Variants in IL1RAPL1 observed in about 807,000 individuals in gnomAD.
IL1RAPL1 encodes interleukin 1 receptor accessory protein like 1.
In IL1RAPL1, 3 loss-of-function variants were observed where a neutral mutation model predicts 48.4. The ratio of observed to expected loss-of-function variants is 0.06; its 90% confidence interval spans 0.03 to 0.16. The LOEUF is 0.16. Among genes scored for constraint, IL1RAPL1 ranks in the 10% least tolerant of loss-of-function variants. IL1RAPL1 has a pLI of 1.00. For missense variants in IL1RAPL1, 349 were observed against 530.6 expected (o/e 0.66, Z 3.36); for synonymous variants, 185 against 187.7 (o/e 0.99, Z 0.12).
At chrX:29,670,334 A>G (rs761230985) in intron 6 of IL1RAPL1, among the ~76,000 whole-genome samples, 1 of 112,276 alleles carries the variant, frequency 8.9e-6, no homozygotes, top group Non-Finnish European at 1.9e-5. Context: ...TTGAAGAAAT[A>G]TGGGCATGTC....
intron 1 of IL1RAPL1, among the ~76,000 whole-genome samples, chrX:28,654,255 AAATAAT>A (rs1159144590): frequency 1.8e-5 from 2 of 110,102 alleles, no homozygotes; most frequent in Admixed American, 1.9e-4. Flanking sequence ...GGTCTTTAAA[AAATAAT>A]AAGTTATCTG....
intron 2 of IL1RAPL1, among the ~76,000 whole-genome samples, chrX:28,944,133 A>G (rs939544587): frequency 2.1e-4 from 23 of 110,830 alleles, no homozygotes; most frequent in African/African-American, 7.5e-4. Flanking sequence ...TTTTATATTT[A>G]TTATGGGGGC....
chrX:29,591,302 G>C (rs1193808342), intron 5 of IL1RAPL1, among the ~76,000 whole-genome samples: 5 of 112,375 alleles, frequency 4.4e-5, no homozygotes, highest in Non-Finnish European at 9.4e-5. Context: ...TGACAACGAG[G>C]TGCCTGTAAA....
intron 2 of IL1RAPL1, among the ~76,000 whole-genome samples, chrX:29,223,250 A>G (rs1318425939): frequency 8.9e-6 from 1 of 111,939 alleles, no homozygotes; most frequent in African/African-American, 3.2e-5. Flanking sequence ...CTCTATAGGA[A>G]AAATACGTGT....
chrX:29,663,614 C>G (rs1356778925), intron 5 of IL1RAPL1, among the ~76,000 whole-genome samples: 1 of 112,100 alleles, frequency 8.9e-6, no homozygotes, highest in Admixed American at 9.4e-5. Flanking sequence ...ATTTGATCCC[C>G]TTATAGTCCT....
chrX:28,917,966 A>T (rs1034878392), intron 2 of IL1RAPL1, among the ~76,000 whole-genome samples: 1 of 112,270 alleles, frequency 8.9e-6, no homozygotes, highest in Non-Finnish European at 1.9e-5. Flanking sequence ...TTTTATATGT[A>T]TGAGGTTACT....
rs59836290 is a variant in IL1RAPL1, at chrX:29,543,115, TTCTCTCTCTCTC to T, written c.704-125292_704-125281del. 4.0e-3 allele frequency among the ~76,000 whole-genome samples: 370 copies of T among 91,692 alleles called. 2 individuals carry two copies. Among genetic ancestry groups the T allele is most frequent in the African/African-American group, 0.012 (293 of 24,265 alleles). 79.6% of individuals were successfully genotyped at this position (91,692 alleles called of 115,157 possible). A position where few individuals can be genotyped will look rare whatever the true frequency, so the allele number is the denominator to read the frequency against. ...TGTTTGACCATAGCAATCTGTTCGT[TTCTCTCTCTCTC>T]TCTCTCTCTCTCTCTCTCTCTCAGC... On this transcript the variant is annotated intron_variant, in intron 5 of 10. Transcript: ENST00000378993.
At chrX:29,586,918 G>A (rs998051937) in intron 5 of IL1RAPL1, among the ~76,000 whole-genome samples, 1 of 111,205 alleles carries the variant, frequency 9.0e-6, no homozygotes, top group Admixed American at 9.6e-5. Flanking sequence ...GTTGTAGCAG[G>A]TTTTTGGTGG....
chrX:29,633,244 G>GA (rs757862924), intron 5 of IL1RAPL1, among the ~76,000 whole-genome samples: 21 of 110,558 alleles, frequency 1.9e-4, no homozygotes, highest in Admixed American at 1.8e-3. Flanking sequence ...AAAGAAGCCA[G>GA]AAAAAAAGAG....
intron 2 of IL1RAPL1, among the ~76,000 whole-genome samples, chrX:28,938,823 AT>A (rs1234961830): frequency 2.7e-5 from 3 of 110,909 alleles, no homozygotes; most frequent in African/African-American, 9.8e-5. Flanking sequence ...ACTTAAAAAA[AT>A]TTGAAGCAAA....
At chrX:29,011,989 A>G (rs1926133135) in intron 2 of IL1RAPL1, among the ~76,000 whole-genome samples, 6 of 112,159 alleles carry the variant, frequency 5.3e-5, no homozygotes, top group Admixed American at 1.9e-4. Context: ...TTGCACAGTG[A>G]TAAATTGGAA....
At chrX:28,605,377 G>A (rs1011746460) in intron 1 of IL1RAPL1, among the ~76,000 whole-genome samples, 1 of 111,409 alleles carries the variant, frequency 9.0e-6, no homozygotes, top group Non-Finnish European at 1.9e-5. Flanking sequence ...TTTCATCCTT[G>A]TATTTGTTCA....
At chrX:29,514,513 A>G (rs977561394) in intron 5 of IL1RAPL1, among the ~76,000 whole-genome samples, 1 of 112,735 alleles carries the variant, frequency 8.9e-6, no homozygotes, top group African/African-American at 3.2e-5. Flanking sequence ...CAGTGGCACT[A>G]TCTCGGCTCA....
intron 3 of IL1RAPL1, among the ~76,000 whole-genome samples, chrX:29,375,534 T>C (rs1171669496): frequency 9.0e-6 from 1 of 111,246 alleles, no homozygotes; most frequent in African/African-American, 3.3e-5. Context: ...AAGAGATATG[T>C]TCTAGATACC....
At chrX:29,821,674 T>C (rs1212742606) in intron 6 of IL1RAPL1, among the ~76,000 whole-genome samples, 1 of 109,938 alleles carries the variant, frequency 9.1e-6, no homozygotes, top group Non-Finnish European at 1.9e-5. Flanking sequence ...GAACTGTATC[T>C]ATTTAGAAAA....
chrX:28,737,173 CCTTCCTT>C (rs1569161837), intron 1 of IL1RAPL1, among the ~76,000 whole-genome samples: 36 of 74,621 alleles, frequency 4.8e-4, no homozygotes, highest in African/African-American at 2.0e-3. Flanking sequence ...TTCCTTCCTT[CCTTCCTT>C]TCTTTCCTTT....
intron 6 of IL1RAPL1, among the ~76,000 whole-genome samples, chrX:29,884,920 C>G (rs866980733): frequency 8.9e-6 from 1 of 111,931 alleles, no homozygotes; most frequent in Non-Finnish European, 1.9e-5. Flanking sequence ...ACTTCTCCAA[C>G]TCTTATCAAC....
chrX:29,092,400 C>T (rs1395586258), intron 2 of IL1RAPL1, among the ~76,000 whole-genome samples: 1 of 111,813 alleles, frequency 8.9e-6, no homozygotes, highest in African/African-American at 3.2e-5. Context: ...CAAAATAGCA[C>T]ACTGTTTCCC....
intron 2 of IL1RAPL1, among the ~76,000 whole-genome samples, chrX:29,181,520 C>T (rs544717340): frequency 1.8e-5 from 2 of 111,947 alleles, no homozygotes; most frequent in African/African-American, 6.5e-5. Flanking sequence ...CTAAAGTTCA[C>T]TGATGGGGCA....
Sources: allele counts gnomAD v4.1 joint callset (sites outside exome capture counted in the v4.1 genomes callset), GRCh38; gene constraint gnomAD v4.1.1; transcripts MANE v1.5; gene names NCBI Gene and HGNC (gene_info 2026-07-23, HGNC 2026-07-21).